The following IGF1 variants were observed in gnomAD, a reference collection of about 807,000 sequenced individuals.
IGF1 encodes the protein insulin like growth factor 1, also known as insulin-like growth factor 1.
IGF1 carries 4 observed loss-of-function variants against 13.8 expected under a neutral mutation model. The observed-to-expected ratio is 0.29, with a 90% CI of 0.14 to 0.66. IGF1 has a LOEUF of 0.66. IGF1 is among the 30% of genes least tolerant of loss of function. The pLI, the probability that IGF1 is intolerant of heterozygous loss-of-function variation, is 0.78. For missense variants in IGF1, 124 were observed against 188.5 expected (o/e 0.66, Z 2.00); for synonymous variants, 76 against 72.6 (o/e 1.05, Z -0.23).
chr12:102,465,809 T>C (rs540728289), intron 2 of IGF1, among the ~76,000 whole-genome samples: 1 of 152,158 alleles, frequency 6.6e-6, no homozygotes, highest in East Asian at 1.9e-4. Context: ...AGGTGGTGCA[T>C]GCCTGTCATC....
At position 102,415,552 on chromosome 12, in the gene IGF1, T is replaced by TTCCTTCCTTCCTTCCTTCCTTCCG. The variant is rs1565966748; in HGVS notation, c.402+3956_402+3957insCGGAAGGAAGGAAGGAAGGAAGGA. ...TTTGTTCTTCCTTCCCTTTCCTTCC[T>TTCCTTCCTTCCTTCCTTCCTTCCG]TCCTTCCTTCCTTCCTTCCTTCCTT... On this transcript the variant is annotated intron_variant, in intron 3 of 3. Transcript: ENST00000337514. Among the ~76,000 whole-genome samples the TTCCTTCCTTCCTTCCTTCCTTCCG allele has an allele frequency of 9.4e-4, 116 of 123,536 alleles. 8 individuals are homozygous for TTCCTTCCTTCCTTCCTTCCTTCCG. The highest frequency in any genetic ancestry group is 2.1e-3 in the African/African-American group (63 of 30,666). The allele number at this position is 123,536 out of a possible 152,430, so 81.0% of individuals were successfully genotyped here.
intron 2 of IGF1, among the ~76,000 whole-genome samples, chr12:102,420,878 A>C (rs1875650878): frequency 6.6e-6 from 1 of 152,216 alleles, no homozygotes; most frequent in South Asian, 2.1e-4. Context: ...ACATGTATTC[A>C]ATCTTAATTC....
At position 102,473,609 on chromosome 12, in the gene IGF1, A is replaced by G. The variant is rs983770015; in HGVS notation, c.220+2034T>C. The stretch of plus-strand genomic sequence containing the variant: ...TTTCAATGACAATACTGACAAGAAC[A>G]TATGATTTACAAAGCCACTTTCTAG... On this transcript the variant is annotated intron_variant, in intron 2 of 3. Transcript: ENST00000337514. 4.6e-5 allele frequency among the ~76,000 whole-genome samples: 7 copies of G among 152,350 alleles called. No individual in the cohort carries two copies. The East Asian group carries it at 9.6e-4, about 21-fold the overall frequency.
At chr12:102,420,810 G>C (rs552261511) in intron 2 of IGF1, among the ~76,000 whole-genome samples, 1 of 152,088 alleles carries the variant, frequency 6.6e-6, no homozygotes, top group Non-Finnish European at 1.5e-5. Context: ...GGATGCTCAG[G>C]CTTTATGGAA....
At chr12:102,408,668 C>T (rs1039337077) in intron 3 of IGF1, among the ~76,000 whole-genome samples, 2 of 152,130 alleles carry the variant, frequency 1.3e-5, no homozygotes, top group African/African-American at 2.4e-5. Flanking sequence ...CAGGGCAGGC[C>T]CCTCCCAAGA....
intron 3 of IGF1, among the ~76,000 whole-genome samples, chr12:102,411,191 C>G (rs1874606526): frequency 6.6e-6 from 1 of 152,140 alleles, no homozygotes; most frequent in South Asian, 2.1e-4. Flanking sequence ...TTGATTCATT[C>G]ATATTTTTCA....
In IGF1 at chr12:102,398,086, T is replaced by TAAAAAAAA. The variant is rs71303538; in HGVS notation, c.*4413_*4420dup. 4 of 126,740 alleles carry TAAAAAAAA rather than the reference T, an allele frequency of 3.2e-5. No homozygotes were observed. Among genetic ancestry groups the TAAAAAAAA allele is most frequent in the Non-Finnish European group, 6.8e-5 (4 of 58,860 alleles). The allele number at this position is 126,740 out of a possible 1,614,324, so 7.9% of individuals were successfully genotyped here. ...AGAAATTCATAAAGACTGTATAAAG[T>TAAAAAAAA]AAAAAAAAAAAAAAAACAAAAACAA... On this transcript the variant is annotated 3_prime_UTR_variant, in exon 4 of 4. Transcript: ENST00000337514.
At chr12:102,411,870 G>A (rs1487752292) in intron 3 of IGF1, among the ~76,000 whole-genome samples, 1 of 152,168 alleles carries the variant, frequency 6.6e-6, no homozygotes, top group South Asian at 2.1e-4. Flanking sequence ...GTTAAGAAAT[G>A]GGAAAGTGGT....
intron 2 of IGF1, among the ~76,000 whole-genome samples, chr12:102,420,876 T>C (rs778722435): frequency 7.8e-4 from 118 of 152,232 alleles, no homozygotes; most frequent in Non-Finnish European, 1.6e-3. Flanking sequence ...TGACATGTAT[T>C]CAATCTTAAT....
In IGF1 at chr12:102,419,970, T is replaced by C. The variant is rs115573506; in HGVS notation, c.221-280A>G. Among the ~76,000 whole-genome samples, 1,065 of 152,348 alleles carry C rather than the reference T, an allele frequency of 7.0e-3. 8 individuals carry two copies. Among genetic ancestry groups the C allele is most frequent in the African/African-American group, 0.025 (1,021 of 41,584 alleles). ...GCAACCTGTAGGCAAGGATCTTGTC[T>C]ATGCCCAATCCTAGTCTTTTCTTAT... is the stretch of plus-strand genomic sequence containing the variant. On this transcript the variant is annotated intron_variant, in intron 2 of 3. Transcript: ENST00000337514.
intron 3 of IGF1, among the ~76,000 whole-genome samples, chr12:102,410,303 C>T (rs1874523894): frequency 6.6e-6 from 1 of 152,080 alleles, no homozygotes; most frequent in Non-Finnish European, 1.5e-5. Flanking sequence ...GATCAGGGCT[C>T]CCCAGACTGT....
chr12:102,431,003 A>G (rs1876691900), intron 2 of IGF1, among the ~76,000 whole-genome samples: 1 of 152,036 alleles, frequency 6.6e-6, no homozygotes, highest in Non-Finnish European at 1.5e-5. Context: ...TCTCTTTTCA[A>G]ACCAAATTCC....
intron 2 of IGF1, among the ~76,000 whole-genome samples, chr12:102,449,484 G>T (rs534730767): frequency 6.6e-6 from 1 of 151,894 alleles, no homozygotes; most frequent in Non-Finnish European, 1.5e-5. Flanking sequence ...AATGGCACAT[G>T]TATAGCTATG....
At chr12:102,435,123 G>A (rs1877110583) in intron 2 of IGF1, among the ~76,000 whole-genome samples, 1 of 152,202 alleles carries the variant, frequency 6.6e-6, no homozygotes, top group East Asian at 1.9e-4. Flanking sequence ...ATTTTAAAGT[G>A]CACAAGAAAA....
At chr12:102,443,295 G>T (rs1163674331) in intron 2 of IGF1, among the ~76,000 whole-genome samples, 1 of 152,044 alleles carries the variant, frequency 6.6e-6, no homozygotes, top group African/African-American at 2.4e-5. Flanking sequence ...AAAGCTTCTG[G>T]GATCCTTCAT....
intron 2 of IGF1, among the ~76,000 whole-genome samples, chr12:102,448,705 A>T (rs1016230111): frequency 5.3e-5 from 8 of 151,476 alleles, no homozygotes; most frequent in East Asian, 1.9e-4. Flanking sequence ...AAAAAAAAAA[A>T]AAAAAAAAAA....
rs71303538 is a variant in IGF1, at chr12:102,398,086, T to TA, written c.*4420dup. On this transcript the variant is annotated 3_prime_UTR_variant, in exon 4 of 4. Coordinates refer to ENST00000337514, the MANE Select transcript of IGF1 (RefSeq NM_000618.5). ...AGAAATTCATAAAGACTGTATAAAG[T>TA]AAAAAAAAAAAAAAAACAAAAACAA... 0.41 allele frequency: 51,502 copies of TA among 126,580 alleles called. 9,611 individuals carry two copies. Among genetic ancestry groups the TA allele is most frequent in the Admixed American group, 0.52 (6,735 of 13,066 alleles). The allele number at this position is 126,580 out of a possible 1,614,324, so 7.8% of individuals were successfully genotyped here.
chr12:102,444,964 G>C (rs1295493955), intron 2 of IGF1, among the ~76,000 whole-genome samples: 1 of 152,092 alleles, frequency 6.6e-6, no homozygotes, highest in East Asian at 1.9e-4. Context: ...AAATTGGTAT[G>C]ATACCCCAAC....
intron 2 of IGF1, among the ~76,000 whole-genome samples, chr12:102,439,562 C>T (rs1306389637): frequency 1.3e-5 from 2 of 151,920 alleles, no homozygotes; most frequent in Non-Finnish European, 2.9e-5. Context: ...TAATATGAGG[C>T]GGGTGTATGT....
Sources: allele counts gnomAD v4.1 joint callset (sites outside exome capture counted in the v4.1 genomes callset), GRCh38; gene constraint gnomAD v4.1.1; transcripts MANE v1.5; gene names NCBI Gene and HGNC (gene_info 2026-07-23, HGNC 2026-07-21).